The following NRXN1 variants were observed in gnomAD, a reference collection of about 807,000 sequenced individuals.
The protein encoded by NRXN1 is neurexin-1.
NRXN1 carries 39 observed loss-of-function variants against 150.9 expected under a neutral mutation model. The ratio of observed to expected loss-of-function variants is 0.26; its 90% CI spans 0.20 to 0.34. The LOEUF (loss-of-function observed/expected upper bound fraction) is 0.34, where lower values mean the gene tolerates loss of function less well. NRXN1 is among the 10% of genes least tolerant of loss of function. NRXN1 has a pLI of 1.00. For missense variants in NRXN1, 1,815 were observed against 1,949.9 expected, an observed-to-expected ratio of 0.93 and a Z score of 1.30; for synonymous variants, 924 against 757.0, an observed-to-expected ratio of 1.22 and a Z score of -3.62.
At chr2:49,986,418 C>G (rs1291544688) in intron 21 of NRXN1, among the ~76,000 whole-genome samples, 2 of 152,112 alleles carry the variant, frequency 1.3e-5, no homozygotes, top group African/African-American at 4.8e-5. Flanking sequence ...CAAAAACATA[C>G]ATTTTAAAGA....
intron 2 of NRXN1, among the ~76,000 whole-genome samples, chr2:50,952,663 T>C (rs954777430): frequency 6.6e-6 from 1 of 152,208 alleles, no homozygotes; most frequent in Non-Finnish European, 1.5e-5. Flanking sequence ...CTGATGAGCA[T>C]GCAGAAGCAT....
rs72824906 is a variant in NRXN1 at position 50,294,662 on chromosome 2, G to C, written c.3365-57692C>G. Among the ~76,000 whole-genome samples, 1,017 of 152,276 alleles carry C rather than the reference G, an allele frequency of 6.7e-3. 5 individuals are homozygous for C. The highest frequency in any genetic ancestry group is 0.01 in the Non-Finnish European group (698 of 68,014). Reference sequence around the variant, plus strand: ...GTTTAGGAAAGATTTTCTGGAGAAGGAATGGTATTTGATCCAACCCTGAAG... The same window carrying C: ...GTTTAGGAAAGATTTTCTGGAGAAGCAATGGTATTTGATCCAACCCTGAAG... On this transcript the variant is annotated intron_variant, in intron 17 of 22. Coordinates refer to ENST00000401669, the MANE Select transcript of NRXN1 (RefSeq NM_001330078.2).
chr2:50,787,610 C>T (rs1705319169), intron 5 of NRXN1, among the ~76,000 whole-genome samples: 2 of 150,964 alleles, frequency 1.3e-5, no homozygotes, highest in Admixed American at 6.6e-5. Context: ...ACAACAAAAA[C>T]AAGAAAACAG....
intron 2 of NRXN1, among the ~76,000 whole-genome samples, chr2:50,937,799 T>G (rs1393973146): frequency 6.6e-6 from 1 of 152,048 alleles, no homozygotes; most frequent in African/African-American, 2.4e-5. Flanking sequence ...AAGATCCAAT[T>G]GGGTGCTAAT....
At chr2:50,479,570 A>G (rs2090275499) in intron 15 of NRXN1, among the ~76,000 whole-genome samples, 1 of 152,054 alleles carries the variant, frequency 6.6e-6, no homozygotes, top group Non-Finnish European at 1.5e-5. Context: ...CTTAGTAAGC[A>G]TTTGATAATT....
At chr2:50,871,688 A>C (rs372216638) in intron 5 of NRXN1, among the ~76,000 whole-genome samples, 23 of 151,898 alleles carry the variant, frequency 1.5e-4, no homozygotes, top group East Asian at 7.8e-4. Flanking sequence ...GAAACTCAAA[A>C]CATGCCGAGG....
chr2:50,778,139 G>A (rs1039057184), intron 5 of NRXN1, among the ~76,000 whole-genome samples: 1 of 152,066 alleles, frequency 6.6e-6, no homozygotes, highest in African/African-American at 2.4e-5. Context: ...ACTTTTAGCA[G>A]CATCAGAAGC....
intron 21 of NRXN1, chr2:50,023,538 T>G (rs1687868887): frequency 6.6e-6 from 1 of 152,186 alleles, no homozygotes; most frequent in Non-Finnish European, 1.5e-5. Flanking sequence ...TTTTACTTAC[T>G]TTGAATAAAA....
At chr2:49,970,831 C>G (rs916719673) in intron 21 of NRXN1, among the ~76,000 whole-genome samples, 1 of 151,894 alleles carries the variant, frequency 6.6e-6, no homozygotes, top group Non-Finnish European at 1.5e-5. Flanking sequence ...TTTTTTCTAT[C>G]TATTGGTGTT....
Position 51,022,535 on chromosome 2 carries a change from AC to A in NRXN1, c.772+4966del, listed in dbSNP as rs201422212. On this transcript the variant is annotated intron_variant, in intron 2 of 22. Transcript: ENST00000401669. Reference sequence around the variant, plus strand: ...ATAGTCAAAATAAACTTTTTAATAAACAGATGCCTTTCACTGTCATACTTTA... The same window carrying A: ...ATAGTCAAAATAAACTTTTTAATAAAAGATGCCTTTCACTGTCATACTTTA... Among the ~76,000 whole-genome samples the A allele has an allele frequency of 1.8e-4, 28 of 152,232 alleles. No individual in the cohort carries two copies. In the East Asian group the frequency reaches 4.4e-3, roughly 24 times the overall value.
chr2:50,975,114 C>G (rs1158862027), intron 2 of NRXN1, among the ~76,000 whole-genome samples: 1 of 152,030 alleles, frequency 6.6e-6, no homozygotes, highest in African/African-American at 2.4e-5. Flanking sequence ...CAACATCTTG[C>G]AAATGTATAC....
intron 17 of NRXN1, among the ~76,000 whole-genome samples, chr2:50,329,611 GTGTGTGTA>G (rs1558535991): frequency 8.9e-5 from 2 of 22,496 alleles, no homozygotes; most frequent in African/African-American, 4.0e-4. Flanking sequence ...GTGTGTGTGT[GTGTGTGTA>G]TATATATATA....
chr2:50,696,162 G>T lies in NRXN1; in HGVS notation c.833-72547C>A, dbSNP rs183018708. On this transcript the variant is annotated intron_variant, in intron 5 of 22. Transcript: ENST00000401669. Reference sequence around the variant, plus strand: ...CCAGTCGACTATGGAAATTTTAAAAGACAGTACATATACGTGTGTGTGTGT... The same window carrying T: ...CCAGTCGACTATGGAAATTTTAAAATACAGTACATATACGTGTGTGTGTGT... The T allele has an allele frequency of 5.5e-5, 8 of 144,678 alleles. No individual in the cohort carries two copies. The Admixed American group carries it at 5.7e-4, about 10-fold the overall frequency. 9.0% of individuals were successfully genotyped at this position (144,678 alleles called of 1,614,324 possible). A position where few individuals can be genotyped will look rare whatever the true frequency, so the allele number is the denominator to read the frequency against.
chr2:50,106,337 C>G (rs565727030), intron 18 of NRXN1, among the ~76,000 whole-genome samples: 1 of 151,900 alleles, frequency 6.6e-6, no homozygotes, highest in Non-Finnish European at 1.5e-5. Flanking sequence ...TGCAAGGAAT[C>G]ATAAAGCTTA....
At chr2:49,938,440 G>A (rs1021966857) in intron 22 of NRXN1, among the ~76,000 whole-genome samples, 1 of 152,154 alleles carries the variant, frequency 6.6e-6, no homozygotes, top group Non-Finnish European at 1.5e-5. Flanking sequence ...GCAATCAACA[G>A]TTGTCTTTTG....
chr2:50,176,309 A>C (rs576667288), intron 18 of NRXN1, among the ~76,000 whole-genome samples: 2 of 152,274 alleles, frequency 1.3e-5, no homozygotes, highest in Non-Finnish European at 2.9e-5. Flanking sequence ...TCAGTAAGAA[A>C]TTTAGAAAGT....
At chr2:50,208,697 G>A (rs928687892) in intron 18 of NRXN1, among the ~76,000 whole-genome samples, 1 of 151,976 alleles carries the variant, frequency 6.6e-6, no homozygotes, top group Non-Finnish European at 1.5e-5. Context: ...TCAGTTTGGG[G>A]TCTGAGCTAA....
intron 16 of NRXN1, among the ~76,000 whole-genome samples, chr2:50,471,901 T>C (rs547834918): frequency 2.1e-4 from 32 of 151,856 alleles, no homozygotes; most frequent in Admixed American, 5.3e-4. Context: ...AAAAAGAATG[T>C]AGATTTTTAA....
chr2:50,234,789 C>A (rs1211996164), intron 18 of NRXN1, among the ~76,000 whole-genome samples: 1 of 151,846 alleles, frequency 6.6e-6, no homozygotes, highest in Non-Finnish European at 1.5e-5. Context: ...AAGAGAACGA[C>A]CAGGCAAGAC....
Sources: gnomAD v4.1 joint callset for allele counts (sites outside exome capture counted in the v4.1 genomes callset) on GRCh38, gnomAD v4.1.1 for gene constraint, MANE v1.5 for transcripts, NCBI Gene and HGNC (gene_info 2026-07-23, HGNC 2026-07-21) for gene names.